The following CCAR1 variants were observed in gnomAD, a reference collection of about 807,000 sequenced individuals.
CCAR1 encodes the protein cell division cycle and apoptosis regulator 1.
CCAR1 carries 78 observed loss-of-function variants against 163.8 expected under a neutral mutation model. That is an observed-to-expected ratio of 0.48 (90% CI 0.40 to 0.57). The LOEUF is 0.57. Ranked by LOEUF, CCAR1 falls within the 20% of genes least tolerant of loss-of-function variation. The probability of loss-of-function intolerance (pLI) is 0.00; values close to 1 mark genes in which losing one functional copy is unlikely to be tolerated. For missense variants in CCAR1, 1,019 were observed against 1,365.2 expected, an observed-to-expected ratio of 0.75 and a Z score of 4.00; for synonymous variants, 443 against 460.7, an observed-to-expected ratio of 0.96 and a Z score of 0.49.
chr10:68,752,352 A>T (rs2056343118), intron 10 of CCAR1, among the ~76,000 whole-genome samples: 1 of 152,162 alleles, frequency 6.6e-6, no homozygotes, highest in Non-Finnish European at 1.5e-5. Context: ...TACTAATATG[A>T]TTATAAGAAA....
intron 18 of CCAR1, among the ~76,000 whole-genome samples, chr10:68,771,973 C>T (rs1279886691): frequency 6.6e-6 from 1 of 151,880 alleles, no homozygotes. Flanking sequence ...CAGGTTCAAG[C>T]AGTTCTCCTG....
intron 19 of CCAR1, among the ~76,000 whole-genome samples, chr10:68,784,738 G>A (rs1313154779): frequency 2.0e-5 from 3 of 151,918 alleles, no homozygotes; most frequent in African/African-American, 7.3e-5. Context: ...TTTTTGTAGA[G>A]ACCGGGTCTC....
At chr10:68,762,298 C>T (rs891416908) in intron 16 of CCAR1, among the ~76,000 whole-genome samples, 1 of 151,052 alleles carries the variant, frequency 6.6e-6, no homozygotes, top group African/African-American at 2.4e-5. Flanking sequence ...CACTGCACTC[C>T]AGCCTGGGCG....
chr10:68,754,277 T>C (rs1338664249), intron 11 of CCAR1, among the ~76,000 whole-genome samples, 200 bp downstream of exon 11: 2 of 152,250 alleles, frequency 1.3e-5, no homozygotes, highest in Non-Finnish European at 2.9e-5. Context: ...AAACTAGTTA[T>C]TCTAACATTT....
chr10:68,757,662 T>A (rs2056412416), intron 15 of CCAR1, among the ~76,000 whole-genome samples: 1 of 152,106 alleles, frequency 6.6e-6, no homozygotes, highest in South Asian at 2.1e-4. Flanking sequence ...GTGATCCACC[T>A]GCCTCAGTCT....
chr10:68,778,358 G>C (rs954648712), intron 19 of CCAR1, among the ~76,000 whole-genome samples: 1 of 152,100 alleles, frequency 6.6e-6, no homozygotes, highest in Non-Finnish European at 1.5e-5. Context: ...ATTTACATTG[G>C]CAGTTCTTTC....
chr10:68,776,935 C>T (rs2056673902), intron 19 of CCAR1, among the ~76,000 whole-genome samples: 1 of 152,152 alleles, frequency 6.6e-6, no homozygotes, highest in African/African-American at 2.4e-5. Flanking sequence ...ATTTCAAAAT[C>T]AGTATATCTG....
At chr10:68,772,315 T>A (rs557803333) in intron 18 of CCAR1, among the ~76,000 whole-genome samples, 38 of 152,092 alleles carry the variant, frequency 2.5e-4, no homozygotes, top group Non-Finnish European at 2.8e-4. Context: ...AAACCCCCTC[T>A]CTACAAAAAT....
intron 8 of CCAR1, 126 bp downstream of exon 8, chr10:68,747,692 C>T (rs571690323): frequency 1.3e-6 from 1 of 743,964 alleles, no homozygotes; most frequent in South Asian, 1.9e-5. Flanking sequence ...CTGAATAGGA[C>T]ACATCTACTT....
chr10:68,723,282 C>T (rs1226072943), intron 2 of CCAR1, among the ~76,000 whole-genome samples: 8 of 148,248 alleles, frequency 5.4e-5, no homozygotes, highest in East Asian at 4.3e-4. Flanking sequence ...CCACCACGCC[C>T]GGCTAATTTT....
At chr10:68,786,257 A>G (rs183572343) in intron 20 of CCAR1, 39 bp downstream of exon 20, 14 of 1,284,304 alleles carry the variant, frequency 1.1e-5, no homozygotes, top group Non-Finnish European at 1.5e-5. Flanking sequence ...ATATGGTGAT[A>G]TCTTACATCA....
intron 19 of CCAR1, among the ~76,000 whole-genome samples, chr10:68,781,922 C>T (rs948978424): frequency 7.2e-5 from 11 of 151,992 alleles, no homozygotes; most frequent in African/African-American, 2.4e-4. Flanking sequence ...ACCTAAAAAT[C>T]GTTAAAGTGA....
At chr10:68,747,057 G>T (rs1249628190) in intron 6 of CCAR1, 104 bp from the exon 7 acceptor site, 2 of 589,730 alleles carry the variant, frequency 3.4e-6, no homozygotes, top group Non-Finnish European at 5.8e-6. Flanking sequence ...ATTTTTTTTT[G>T]AGATATGGTT....
chr10:68,772,454 G>T (rs1264667596), intron 18 of CCAR1, among the ~76,000 whole-genome samples: 1 of 151,590 alleles, frequency 6.6e-6, no homozygotes, highest in African/African-American at 2.4e-5. Context: ...CTGCACTCCA[G>T]CCTGAGCAAC....
intron 2 of CCAR1, among the ~76,000 whole-genome samples, chr10:68,723,581 A>T (rs192547412): frequency 4.6e-5 from 7 of 150,632 alleles, no homozygotes; most frequent in Admixed American, 2.7e-4. Flanking sequence ...GGGCGCGGTG[A>T]CTCATGCCTG....
At chr10:68,748,892 G>T (rs956009972) in intron 8 of CCAR1, among the ~76,000 whole-genome samples, 8 of 151,956 alleles carry the variant, frequency 5.3e-5, no homozygotes, top group Non-Finnish European at 1.2e-4. Flanking sequence ...TGCCAGAGCT[G>T]GTGTTGAACT....
chr10:68,776,347 T>C (rs2133411254), intron 19 of CCAR1, among the ~76,000 whole-genome samples: 1 of 151,886 alleles, frequency 6.6e-6, no homozygotes, highest in South Asian at 2.1e-4. Flanking sequence ...GTGGATCACC[T>C]GAGGTCAGGA....
intron 2 of CCAR1, among the ~76,000 whole-genome samples, chr10:68,732,300 A>G (rs1308931406): frequency 2.0e-5 from 3 of 152,062 alleles, no homozygotes; most frequent in Admixed American, 2.0e-4. Flanking sequence ...TCTTGTTCCT[A>G]TTTACATGAT....
Position 68,756,623 on chromosome 10 carries a change from C to A in CCAR1, c.1836+140C>A. The A allele has an allele frequency of 1.3e-6, 1 of 747,680 alleles. No homozygotes were observed. Among genetic ancestry groups the A allele is most frequent in the Non-Finnish European group, 2.4e-6 (1 of 424,758 alleles). 46.3% of individuals were successfully genotyped at this position (747,680 alleles called of 1,614,324 possible). ...CAGCGACTGGTAATCCAGCTTTCAG[C>A]AGTATAGTTGTATGTTCTTTTCTCT... is the stretch of plus-strand genomic sequence containing the variant. On this transcript the variant is annotated intron_variant, in intron 14 of 24. Coordinates refer to ENST00000265872, the MANE Select transcript of CCAR1 (RefSeq NM_018237.4). This position sits in a 1 kb window ranked among gnomAD's most constrained non-coding sequence, Gnocchi z 5.1.
Sources: gnomAD v4.1 joint callset for allele counts (sites outside exome capture counted in the v4.1 genomes callset) on GRCh38, gnomAD v4.1.1 for gene constraint, Gnocchi (gnomAD v3.1) non-coding constraint, MANE v1.5 for transcripts, NCBI Gene and HGNC (gene_info 2026-07-23, HGNC 2026-07-21) for gene names.